Variants in KCNQ5 observed in about 807,000 individuals in gnomAD.
KCNQ5 encodes potassium voltage-gated channel subfamily KQT member 5.
In KCNQ5, 30 loss-of-function variants were observed where a neutral mutation model predicts 98.2. The observed-to-expected ratio is 0.31, with a 90% CI of 0.23 to 0.41. The LOEUF (loss-of-function observed/expected upper bound fraction) is 0.41, where lower values mean the gene tolerates loss of function less well. Among genes scored for constraint, KCNQ5 ranks in the 10% least tolerant of loss-of-function variants. The pLI is 1.00. For synonymous variants in KCNQ5, 458 were observed against 449.4 expected, an observed-to-expected ratio of 1.02 and a Z score of -0.24; for missense variants, 835 against 1,182.5, an observed-to-expected ratio of 0.71 and a Z score of 4.31.
At chr6:72,644,659 A>G (rs762044738) in intron 1 of KCNQ5, among the ~76,000 whole-genome samples, 1 of 152,190 alleles carries the variant, frequency 6.6e-6, no homozygotes, top group Non-Finnish European at 1.5e-5. Flanking sequence ...GATGAAAGTT[A>G]TCTTTAGCGA....
chr6:72,753,285 T>G (rs1477961348), intron 1 of KCNQ5, among the ~76,000 whole-genome samples: 2 of 152,090 alleles, frequency 1.3e-5, no homozygotes, highest in Non-Finnish European at 2.9e-5. Context: ...TATCATTCCC[T>G]TATTTCTTAT....
At chr6:72,870,620 T>C (rs568740561) in intron 1 of KCNQ5, among the ~76,000 whole-genome samples, 4 of 152,296 alleles carry the variant, frequency 2.6e-5, no homozygotes, top group Admixed American at 2.0e-4. Context: ...ATACAATAAA[T>C]TCGGCATCTT....
intron 1 of KCNQ5, among the ~76,000 whole-genome samples, chr6:73,003,599 G>A (rs547028956): frequency 1.3e-5 from 2 of 152,196 alleles, no homozygotes; most frequent in Admixed American, 6.5e-5. Flanking sequence ...TCTCAGGATC[G>A]TTGTTTGGGA....
At chr6:72,700,329 A>G (rs915101999) in intron 1 of KCNQ5, among the ~76,000 whole-genome samples, 2 of 149,520 alleles carry the variant, frequency 1.3e-5, no homozygotes, top group East Asian at 3.9e-4. Context: ...CTATCTATCT[A>G]TCTATCTAAT....
At chr6:72,844,874 A>C (rs1280686590) in intron 1 of KCNQ5, among the ~76,000 whole-genome samples, 2 of 152,196 alleles carry the variant, frequency 1.3e-5, no homozygotes, top group Non-Finnish European at 2.9e-5. Flanking sequence ...ACAATTAAGG[A>C]AACAAGTTTC....
chr6:72,965,665 T>A (rs1767567952), intron 1 of KCNQ5, among the ~76,000 whole-genome samples: 1 of 152,212 alleles, frequency 6.6e-6, no homozygotes, highest in Non-Finnish European at 1.5e-5. Context: ...GGTCCTGTCA[T>A]CTCCAGAGTT....
chr6:72,980,553 T>C (rs1768387798), intron 1 of KCNQ5, among the ~76,000 whole-genome samples: 2 of 152,334 alleles, frequency 1.3e-5, no homozygotes, highest in South Asian at 4.1e-4. Context: ...AACTTGCTTA[T>C]TAGCTTAAGG....
chr6:72,797,756 C>A (rs192482935), intron 1 of KCNQ5, among the ~76,000 whole-genome samples: 154 of 151,966 alleles, frequency 1.0e-3, no homozygotes, highest in Non-Finnish European at 1.8e-3. Flanking sequence ...TGTGAATAAA[C>A]AACAAAATAA....
At chr6:72,905,122 T>C (rs1444068920) in intron 1 of KCNQ5, among the ~76,000 whole-genome samples, 1 of 152,238 alleles carries the variant, frequency 6.6e-6, no homozygotes, top group Non-Finnish European at 1.5e-5. Context: ...AAACGCCTTA[T>C]CTTCAAGCTC....
At chr6:72,986,512 A>T in intron 1 of KCNQ5, 1 of 547,550 alleles carries the variant, frequency 1.8e-6, no homozygotes, top group Non-Finnish European at 3.3e-6. Context: ...TCCCCCTCTA[A>T]GAGTGTGGTC....
chr6:72,661,630 G>A (rs540455055), intron 1 of KCNQ5, among the ~76,000 whole-genome samples: 41 of 152,044 alleles, frequency 2.7e-4, no homozygotes, highest in Non-Finnish European at 5.1e-4. Flanking sequence ...CATTTTCCAT[G>A]ACACACACCC....
chr6:72,910,566 GTGTGT>G, intron 1 of KCNQ5, among the ~76,000 whole-genome samples: 1 of 13,618 alleles, frequency 7.3e-5, no homozygotes, highest in East Asian at 6.4e-3. Context: ...GTAGGGGGGT[GTGTGT>G]GTGTGTGTGT....
chr6:72,836,369 A>T (rs541716824), intron 1 of KCNQ5, among the ~76,000 whole-genome samples: 65 of 152,294 alleles, frequency 4.3e-4, no homozygotes, highest in Non-Finnish European at 7.4e-4. Context: ...ATAAGTATCT[A>T]AAATTTTTTA....
chr6:73,075,213 C>T (rs565968923), intron 3 of KCNQ5, among the ~76,000 whole-genome samples: 3 of 140,862 alleles, frequency 2.1e-5, no homozygotes, highest in African/African-American at 7.9e-5. Context: ...TAATAATCAG[C>T]GTATAGTCTC....
intron 1 of KCNQ5, among the ~76,000 whole-genome samples, chr6:72,849,369 T>C (rs1562022874): frequency 6.6e-6 from 1 of 152,198 alleles, no homozygotes; most frequent in Non-Finnish European, 1.5e-5. Flanking sequence ...CTCCATAGTG[T>C]TTTCCATAGA....
At position 72,957,959 on chromosome 6, in the gene KCNQ5, C is replaced by T. The variant is rs541059277; in HGVS notation, c.399-45949C>T. Among the ~76,000 whole-genome samples, 3 of 152,150 alleles carry T rather than the reference C, an allele frequency of 2.0e-5. No homozygotes were observed. In the East Asian group the frequency reaches 5.8e-4, roughly 29 times the overall value. ...ATTATAAAAAAGAAAAATTCTGAGC[C>T]CTCCTTCAGAATGACTACATTATTT... On this transcript the variant is annotated intron_variant, in intron 1 of 13. Transcript: ENST00000370398.
At chr6:72,682,048 G>A (rs577857716) in intron 1 of KCNQ5, among the ~76,000 whole-genome samples, 9 of 152,186 alleles carry the variant, frequency 5.9e-5, no homozygotes, top group Middle Eastern at 3.4e-3. Context: ...TCAAGTATGT[G>A]GAGAAAAGAG....
At chr6:72,694,566 G>A (rs1479981543) in intron 1 of KCNQ5, among the ~76,000 whole-genome samples, 1 of 152,120 alleles carries the variant, frequency 6.6e-6, no homozygotes, top group Non-Finnish European at 1.5e-5. Flanking sequence ...AGCTCACTGA[G>A]CCAGAATTTC....
intron 11 of KCNQ5, among the ~76,000 whole-genome samples, chr6:73,172,625 C>T (rs933900976): frequency 1.3e-5 from 2 of 152,174 alleles, no homozygotes; most frequent in African/African-American, 2.4e-5. Flanking sequence ...CATCAGTTGC[C>T]GGAGGGTTTT....
Sources: allele counts gnomAD v4.1 joint callset (sites outside exome capture counted in the v4.1 genomes callset), GRCh38; gene constraint gnomAD v4.1.1; transcripts MANE v1.5; gene names NCBI Gene and HGNC (gene_info 2026-07-23, HGNC 2026-07-21).